The following URB1 variants were observed in gnomAD, a reference collection of about 807,000 sequenced individuals.
URB1 encodes URB1 ribosome biogenesis factor.
Under a neutral mutation model 242.3 loss-of-function variants are expected in URB1, and 197 were observed. The ratio of observed to expected loss-of-function variants is 0.81; its 90% confidence interval spans 0.72 to 0.91. The LOEUF (loss-of-function observed/expected upper bound fraction) is 0.91. URB1 is among the 40% of genes least tolerant of loss of function. URB1 has a pLI of 0.00. For synonymous variants in URB1, 1,153 were observed against 1,201.8 expected (o/e 0.96, Z 0.84); for missense variants, 2,721 against 2,860.5 (o/e 0.95, Z 1.11).
At chr21:32,388,281 G>C (rs1010772647) in intron 1 of URB1, among the ~76,000 whole-genome samples, 1 of 152,154 alleles carries the variant, frequency 6.6e-6, no homozygotes, top group Non-Finnish European at 1.5e-5. Context: ...GACAGGGTTT[G>C]TATGAAGCGT....
At position 32,349,504 on chromosome 21, in the gene URB1, G is replaced by A. The variant is rs1035088230; in HGVS notation, c.2833-21C>T. Reference sequence around the variant, plus strand: ...CCCAGCTGTGAGGACAAGAGCACGAGCCTCAGCAGGGAAGAGACGGGTTCA... The same window carrying A: ...CCCAGCTGTGAGGACAAGAGCACGAACCTCAGCAGGGAAGAGACGGGTTCA... On this transcript the variant is annotated intron_variant, in intron 20 of 38. Coordinates refer to ENST00000382751, the MANE Select transcript of URB1 (RefSeq NM_014825.3). 1.9e-5 allele frequency: 29 copies of A among 1,528,022 alleles called. 1 individual carries two copies. In the African/African-American group the frequency reaches 2.4e-4, roughly 12 times the overall value. The allele number at this position is 1,528,022 out of a possible 1,614,324, so 94.7% of individuals were successfully genotyped here.
chr21:32,352,887 A>C lies in URB1; in HGVS notation c.2436T>G (p.Tyr812Ter). 2 of 1,549,972 alleles carry C rather than the reference A, an allele frequency of 1.3e-6. No individual in the cohort carries two copies. Among genetic ancestry groups the C allele is most frequent in the Non-Finnish European group, 1.7e-6 (2 of 1,146,138 alleles). ...GGAGGTCAGTCAGCACTGCCGTCAG[A>C]TATGTCACAACGTTTTCCGCTGCAA... ...GNEAAENVVT[Y>*]LTAVLTDLLH... The change falls in exon 19 of 39, where the codon TAT becomes TAG. Residue 812 changes from tyrosine (Y) to a stop codon, truncating the protein, a stop_gained. Transcript: ENST00000382751. LOFTEE classifies it high-confidence loss of function.
rs967422514 is a variant in URB1, at chr21:32,352,732, G to C, written c.2591C>G (p.Pro864Arg). 6 of 1,551,342 alleles carry C rather than the reference G, an allele frequency of 3.9e-6. No individual in the cohort carries two copies. The highest frequency in any genetic ancestry group is 5.2e-6 in the Non-Finnish European group (6 of 1,146,954). Residue 864 changes from proline to arginine, a missense_variant, in exon 19 of 39, where the codon CCG becomes CGG. Transcript: ENST00000382751. ...CACCCAGGCCTCTCGGGCTTGCTCCGGGATCCAGAGGCTGTAGTATCTGTT... is the reference window on the plus strand; with the variant it reads ...CACCCAGGCCTCTCGGGCTTGCTCCCGGATCCAGAGGCTGTAGTATCTGTT... ...RFNRYYSLWI[P>R]EQAREAWLLQ...
At chr21:32,344,863 G>T in intron 23 of URB1, 107 bp from the exon 24 acceptor site, 1 of 1,269,970 alleles carries the variant, frequency 7.9e-7, no homozygotes, top group Non-Finnish European at 1.1e-6. Flanking sequence ...GCTGAGTCCT[G>T]CTCCCCACAC....
At chr21:32,315,798 C>T (rs918212902) in intron 38 of URB1, among the ~76,000 whole-genome samples, 3 of 152,186 alleles carry the variant, frequency 2.0e-5, no homozygotes, top group East Asian at 1.9e-4. Flanking sequence ...TCCCCAACTG[C>T]GGCCAGACCA....
chr21:32,315,020 G>C lies in URB1; in HGVS notation c.6714C>G (p.His2238Gln), dbSNP rs1031627778. The C allele has an allele frequency of 2.4e-5, 38 of 1,551,534 alleles. No homozygotes were observed. The Admixed American group carries it at 6.9e-4, about 28-fold the overall frequency. ...GAQRPDTLLT[H>Q]VRMVCEAADD... ...CTGCGGCCTCACACACCATCCGGACGTGGGTTAAGAGGGTGTCCGGCCGCT... is the reference window on the plus strand; with the variant it reads ...CTGCGGCCTCACACACCATCCGGACCTGGGTTAAGAGGGTGTCCGGCCGCT... The change falls in exon 39 of 39, where the codon CAC (histidine) becomes CAG (glutamine). Residue 2238 changes from histidine (H) to glutamine (Q), a missense_variant. Physicochemically the swap from His to Gln is conservative, Grantham distance 24. Coordinates refer to ENST00000382751, the MANE Select transcript of URB1 (RefSeq NM_014825.3).
At chr21:32,365,389 T>C (rs1201592196) in intron 10 of URB1, among the ~76,000 whole-genome samples, 1 of 151,618 alleles carries the variant, frequency 6.6e-6, no homozygotes, top group Non-Finnish European at 1.5e-5. Context: ...AGTTTGACGC[T>C]GCAATGAGCT....
At chr21:32,336,127 C>A (rs761388171) in intron 28 of URB1, among the ~76,000 whole-genome samples, 5 of 152,102 alleles carry the variant, frequency 3.3e-5, no homozygotes, top group African/African-American at 1.2e-4. Context: ...GTCAAAAGAG[C>A]GAGGCTGCCG....
chr21:32,337,209 T>C, intron 27 of URB1, 52 bp from the exon 28 acceptor site: 2 of 1,536,024 alleles, frequency 1.3e-6, no homozygotes. Context: ...GACACCCTCC[T>C]GCTGCTCCCA....
At chr21:32,319,481 C>A in intron 35 of URB1, 67 bp from the exon 36 acceptor site, 1 of 1,377,252 alleles carries the variant, frequency 7.3e-7, no homozygotes, top group South Asian at 1.6e-5. Flanking sequence ...AGACTATCGC[C>A]CTCCATAATC....
rs376481798 is a variant in URB1, at chr21:32,354,046, A to C, written c.2303T>G (p.Ile768Arg). The change falls in exon 18 of 39, where the codon ATA becomes AGA. Residue 768 changes from isoleucine (I) to arginine (R), a missense_variant. Ile to Arg is a moderately conservative substitution (Grantham distance 97). Coordinates refer to ENST00000382751, the MANE Select transcript of URB1 (RefSeq NM_014825.3). The part of the protein sequence containing the change: ...VEGSEGLDEE[I>R]GFTLSEDMIL... ...CATGTCTTCACTCAACGTGAACCCT[A>C]TTTCCTCATCCAAGCCTTCACTGCC... 1 of 1,551,588 alleles carries C rather than the reference A, an allele frequency of 6.4e-7. No individual in the cohort carries two copies. The highest frequency in any genetic ancestry group is 1.2e-5 in the South Asian group (1 of 84,054).
chr21:32,321,689 G>C, intron 34 of URB1, 112 bp downstream of exon 34: 1 of 1,455,942 alleles, frequency 6.9e-7, no homozygotes, highest in Non-Finnish European at 9.2e-7. Context: ...CCAGGGTTAG[G>C]TCGGTCGTGT....
intron 20 of URB1, 141 bp from the exon 21 acceptor site, chr21:32,349,624 C>A: frequency 1.3e-6 from 1 of 769,084 alleles, no homozygotes; most frequent in Non-Finnish European, 2.0e-6. Context: ...GTGTGTGAGA[C>A]ACCCATCAAT....
rs767328278 is a variant in URB1, at chr21:32,352,844, G to A, written c.2479C>T (p.Pro827Ser). 7 of 1,551,670 alleles carry A rather than the reference G, an allele frequency of 4.5e-6. 1 individual carries two copies. The South Asian group carries it at 5.9e-5, about 13-fold the overall frequency. The part of the protein sequence containing the change: ...LTDLLHTQRD[P>S]LALCLLLQAY... ...TGGAGCAGGAGACACAGAGCCAGGGGGTCCCTCTGGGTGTGGAGGAGGTCA... is the reference window on the plus strand; with the variant it reads ...TGGAGCAGGAGACACAGAGCCAGGGAGTCCCTCTGGGTGTGGAGGAGGTCA... Residue 827 changes from proline to serine, a missense_variant, in exon 19 of 39, where the codon CCC becomes TCC. Pro to Ser is a moderately conservative substitution (Grantham distance 74). Coordinates refer to ENST00000382751, the MANE Select transcript of URB1 (RefSeq NM_014825.3).
intron 27 of URB1, 53 bp downstream of exon 27, chr21:32,337,351 C>G (rs1273776650): frequency 6.7e-7 from 1 of 1,490,250 alleles, no homozygotes; most frequent in Non-Finnish European, 9.1e-7. Context: ...TGCTCACACC[C>G]CCGGCCCTCA....
intron 10 of URB1, among the ~76,000 whole-genome samples, chr21:32,363,955 CT>C (rs370273015): frequency 2.7e-4 from 39 of 146,616 alleles, no homozygotes; most frequent in East Asian, 7.9e-4. Context: ...TGTGCCTAGC[CT>C]TTTTTTTTTT....
chr21:32,316,639 C>A lies in URB1; in HGVS notation c.6461G>T (p.Ser2154Ile). Residue 2154 changes from serine (S) to isoleucine (I), a missense_variant, in exon 38 of 39, where the codon AGC (serine) becomes ATC (isoleucine). Coordinates refer to ENST00000382751, the MANE Select transcript of URB1 (RefSeq NM_014825.3). ...AVRSSIFRLY[S>I]RLCGAEGLAG... ...CAGCCCCTCAGCCCCACAGAGCCGG[C>A]TATACAGCCTGAATATGCTGCTCCT... The A allele has an allele frequency of 6.4e-7, 1 of 1,551,594 alleles. No homozygotes were observed. The highest frequency in any genetic ancestry group is 8.7e-7 in the Non-Finnish European group (1 of 1,146,980).
At chr21:32,390,469 GTT>G (rs796461520) in intron 1 of URB1, among the ~76,000 whole-genome samples, 1 of 147,552 alleles carries the variant, frequency 6.8e-6, no homozygotes, top group African/African-American at 2.5e-5. Flanking sequence ...TTTTGATGGG[GTT>G]TTTTTTTTTC....
At chr21:32,353,793 A>C in intron 18 of URB1, 140 bp downstream of exon 18, 1 of 992,688 alleles carries the variant, frequency 1.0e-6, no homozygotes, top group Non-Finnish European at 1.4e-6. Flanking sequence ...CTGGCTGGGT[A>C]GCTATCACTC....
Sources: allele counts gnomAD v4.1 joint callset (sites outside exome capture counted in the v4.1 genomes callset), GRCh38; gene constraint gnomAD v4.1.1; transcripts MANE v1.5; gene names NCBI Gene and HGNC (gene_info 2026-07-23, HGNC 2026-07-21).